Variants in ZNF536 observed in about 807,000 individuals in gnomAD.
ZNF536 encodes zinc finger protein 536.
A neutral mutation model predicts 84.5 loss-of-function variants in ZNF536; 13 were observed. The observed-to-expected ratio is 0.15, with a 90% CI of 0.10 to 0.24. The LOEUF (loss-of-function observed/expected upper bound fraction) is 0.24, where lower values mean the gene tolerates loss of function less well. ZNF536 is among the 10% of genes least tolerant of loss of function. ZNF536 has a pLI of 1.00. For missense variants in ZNF536, 1,536 were observed against 1,747.5 expected (o/e 0.88, Z 2.16); for synonymous variants, 811 against 742.5 (o/e 1.09, Z -1.50).
rs1212756842 is a variant in ZNF536, at chr19:30,480,745, G to A, written c.2170+35013G>A. 2.0e-5 allele frequency among the ~76,000 whole-genome samples: 3 copies of A among 152,046 alleles called. No individual in the cohort carries two copies. The East Asian group carries it at 5.8e-4, about 29-fold the overall frequency. The stretch of plus-strand genomic sequence containing the variant: ...ATAAATAAATAAATAAATAATAAAT[G>A]GCTTTTTAGCCTGGGCACAGTGGCT... On this transcript the variant is annotated intron_variant, in intron 2 of 4. Transcript: ENST00000355537.
At chr19:30,671,255 T>C (rs945991389) in intron 1 of ZNF536, among the ~76,000 whole-genome samples, 2 of 152,226 alleles carry the variant, frequency 1.3e-5, no homozygotes, top group African/African-American at 2.4e-5. Flanking sequence ...GAAGGGGTCA[T>C]GTGTCCAGTC....
At position 30,548,689 on chromosome 19, in the gene ZNF536, C is replaced by G. The variant is rs2146212894; in HGVS notation, c.3070C>G (p.His1024Asp). 6.2e-7 allele frequency: 1 copy of G among 1,614,060 alleles called. No homozygotes were observed. Among genetic ancestry groups the G allele is most frequent in the Non-Finnish European group, 8.5e-7 (1 of 1,180,038 alleles). Reference sequence around the variant, plus strand: ...CATGGCCCTTCATCTCCAGGCCAACCACCTGGGCAAAGCGAAACGCAAAGA... The same window carrying G: ...CATGGCCCTTCATCTCCAGGCCAACGACCTGGGCAAAGCGAAACGCAAAGA... ...ELMALHLQAN[H>D]LGKAKRKDNT... The change falls in exon 4 of 5, where the codon CAC (histidine) becomes GAC (aspartate). Residue 1024 changes from histidine to aspartate, a missense_variant. Transcript: ENST00000355537.
upstream of ZNF536, among the ~76,000 whole-genome samples, chr19:30,369,269 G>A (rs527476143): frequency 1.4e-4 from 22 of 152,346 alleles, no homozygotes; most frequent in African/African-American, 5.1e-4. Context: ...CAAAGTTTAA[G>A]TGGGATTAAG....
At chr19:30,363,140 G>A (rs1284017111) in intron 3 of ZNF536, among the ~76,000 whole-genome samples, 1 of 152,116 alleles carries the variant, frequency 6.6e-6, no homozygotes, top group African/African-American at 2.4e-5. Flanking sequence ...AGGTCTTTAT[G>A]ACGTGGTGGG....
intron 2 of ZNF536, among the ~76,000 whole-genome samples, chr19:30,455,288 A>G (rs936900511): frequency 1.3e-5 from 2 of 152,306 alleles, no homozygotes; most frequent in East Asian, 3.9e-4. Flanking sequence ...TCACTAAACT[A>G]GTAAATATTT....
intron 2 of ZNF536, among the ~76,000 whole-genome samples, chr19:30,323,221 C>A (rs2046915261): frequency 6.6e-6 from 1 of 152,180 alleles, no homozygotes; most frequent in African/African-American, 2.4e-5. Flanking sequence ...TGAAGGCAAA[C>A]TCTCGGCTCC....
chr19:30,656,420 G>C (rs1474341350), intron 1 of ZNF536, among the ~76,000 whole-genome samples: 1 of 152,172 alleles, frequency 6.6e-6, no homozygotes, highest in Non-Finnish European at 1.5e-5. Flanking sequence ...CCATGCTTTT[G>C]GTTATCCCCT....
chr19:30,333,403 C>T (rs914007151), intron 2 of ZNF536, among the ~76,000 whole-genome samples: 9 of 152,138 alleles, frequency 5.9e-5, no homozygotes, highest in African/African-American at 1.7e-4. Context: ...TGCCATGAGG[C>T]GAGCTGGGTG....
chr19:30,560,630 T>G (rs1199111504), downstream of ZNF536, among the ~76,000 whole-genome samples: 1 of 152,138 alleles, frequency 6.6e-6, no homozygotes, highest in Non-Finnish European at 1.5e-5. Context: ...GAGACATCTG[T>G]GACTTAAGAT....
chr19:30,265,512 G>C (rs2025463926), intron 1 of ZNF536, among the ~76,000 whole-genome samples: 1 of 152,154 alleles, frequency 6.6e-6, no homozygotes. Context: ...TAAGCGCTGA[G>C]TGTGTCTGAG....
intron 1 of ZNF536, among the ~76,000 whole-genome samples, chr19:30,240,769 ATTAG>A (rs766217724): frequency 2.6e-5 from 4 of 152,232 alleles, no homozygotes; most frequent in African/African-American, 4.8e-5. Flanking sequence ...GTCCTTAAAT[ATTAG>A]TTGAATAGAT....
chr19:30,610,080 C>G (rs570898855), intron 1 of ZNF536, among the ~76,000 whole-genome samples: 54 of 152,338 alleles, frequency 3.5e-4, no homozygotes, highest in African/African-American at 1.3e-3. Flanking sequence ...TATTGAGAAT[C>G]TACTACATGC....
chr19:30,324,299 C>CA (rs2046953534), intron 2 of ZNF536, among the ~76,000 whole-genome samples: 1 of 152,184 alleles, frequency 6.6e-6, no homozygotes, highest in Non-Finnish European at 1.5e-5. Flanking sequence ...TTTATCCTTC[C>CA]ACACATCCAT....
upstream of ZNF536, among the ~76,000 whole-genome samples, chr19:30,370,208 C>A (rs950721635): frequency 2.0e-5 from 3 of 152,188 alleles, no homozygotes; most frequent in Non-Finnish European, 1.5e-5. Flanking sequence ...TGTTCTGTAG[C>A]AATGGCGACA....
At chr19:30,539,934 C>T (rs921051891) in intron 3 of ZNF536, among the ~76,000 whole-genome samples, 1 of 152,178 alleles carries the variant, frequency 6.6e-6, no homozygotes, top group African/African-American at 2.4e-5. Context: ...ATGTAATAAG[C>T]AACTTCACTC....
At chr19:30,398,384 TTTTC>T (rs1217203346) in intron 1 of ZNF536, among the ~76,000 whole-genome samples, 1 of 95,298 alleles carries the variant, frequency 1.0e-5, no homozygotes, top group East Asian at 2.1e-4. Context: ...GGCTTTTTCT[TTTTC>T]TTTTTTTTTT....
chr19:30,637,772 A>G (rs1247170539), intron 1 of ZNF536, among the ~76,000 whole-genome samples: 1 of 152,202 alleles, frequency 6.6e-6, no homozygotes, highest in Non-Finnish European at 1.5e-5. Context: ...TGCACTTACA[A>G]TAGCCCTTCT....
intron 2 of ZNF536, among the ~76,000 whole-genome samples, chr19:30,448,185 A>G (rs1568442341): frequency 6.6e-6 from 1 of 152,132 alleles, no homozygotes; most frequent in East Asian, 1.9e-4. Context: ...TTCATATTCA[A>G]ATTAGACCCT....
At chr19:30,502,990 C>T (rs1464340372) in intron 2 of ZNF536, among the ~76,000 whole-genome samples, 4 of 152,150 alleles carry the variant, frequency 2.6e-5, no homozygotes, top group Admixed American at 6.5e-5. Flanking sequence ...CCCTCTCCAA[C>T]CATAACATCT....
Sources: gnomAD v4.1 joint callset for allele counts (sites outside exome capture counted in the v4.1 genomes callset) on GRCh38, gnomAD v4.1.1 for gene constraint, MANE v1.5 for transcripts, NCBI Gene and HGNC (gene_info 2026-07-23, HGNC 2026-07-21) for gene names.